KIAA0586: variants seen among roughly 807,000 people sequenced by gnomAD.
The protein encoded by KIAA0586 is KIAA0586.
A neutral mutation model predicts 169.8 loss-of-function variants in KIAA0586; 144 were observed. That is an observed-to-expected ratio of 0.85 (90% CI 0.74 to 0.97). The LOEUF (loss-of-function observed/expected upper bound fraction) is 0.97, where lower values mean the gene tolerates loss of function less well. KIAA0586 is among the 50% of genes least tolerant of loss of function. The probability of loss-of-function intolerance (pLI) is 0.00; values close to 1 mark genes in which losing one functional copy is unlikely to be tolerated. For synonymous variants in KIAA0586, 625 were observed against 612.4 expected (o/e 1.02, Z -0.30); for missense variants, 1,854 against 1,823.0 (o/e 1.02, Z -0.31).
rs373766541 is a variant in KIAA0586, at chr14:58,431,758, A to G, written c.341-630A>G. On this transcript the variant is annotated intron_variant, in intron 3 of 30. Transcript: ENST00000652326. ...CTGTGATTTTTTTCATCAGTGTTTT[A>G]TAGTTCTCCTTGTAGAGATCTTTCA... 2.6e-5 allele frequency among the ~76,000 whole-genome samples: 4 copies of G among 152,196 alleles called. 1 individual carries two copies.
chr14:58,484,481 G>T (rs2042232753), intron 21 of KIAA0586, among the ~76,000 whole-genome samples: 2 of 152,000 alleles, frequency 1.3e-5, no homozygotes, highest in Non-Finnish European at 2.9e-5. Context: ...TAAGTGAGAT[G>T]ATATATGGAC....
In KIAA0586 at chr14:58,539,340, AT is replaced by A. The variant is rs112710715; in HGVS notation, c.4430-724del. 3.3e-3 allele frequency among the ~76,000 whole-genome samples: 501 copies of A among 152,262 alleles called. 6 individuals are homozygous for A. Among genetic ancestry groups the A allele is most frequent in the African/African-American group, 0.012 (480 of 41,542 alleles). On this transcript the variant is annotated intron_variant, in intron 29 of 30. Transcript: ENST00000652326. ...GAAATACTGATTATACAACGTTCTA[AT>A]TTTTTTCATATCACCCTACCCCAAG...
chr14:58,540,161 T>C lies in KIAA0586; in HGVS notation c.4495+25T>C, dbSNP rs186254272. The stretch of plus-strand genomic sequence containing the variant: ...GGTAAGATTTTTACTTTAAAAGTTC[T>C]TGAACTTGGAGCTGTTCAGATTTTT... On this transcript the variant is annotated intron_variant, in intron 30 of 30. Coordinates refer to ENST00000652326, the MANE Select transcript of KIAA0586 (RefSeq NM_001329943.3). 2,423 of 1,373,084 alleles carry C rather than the reference T, an allele frequency of 1.8e-3. 16 individuals are homozygous for C. The highest frequency in any genetic ancestry group is 9.6e-3 in the East Asian group (387 of 40,184). 85.1% of individuals were successfully genotyped at this position (1,373,084 alleles called of 1,614,324 possible). A position where few individuals can be genotyped will look rare whatever the true frequency, so the allele number is the denominator to read the frequency against.
At chr14:58,528,186 G>A (rs1040084861) in intron 29 of KIAA0586, among the ~76,000 whole-genome samples, 1 of 152,202 alleles carries the variant, frequency 6.6e-6, no homozygotes, top group African/African-American at 2.4e-5. Flanking sequence ...CAATACAGGA[G>A]CGTCCAGATT....
chr14:58,449,456 G>A (rs1190230236), intron 7 of KIAA0586, among the ~76,000 whole-genome samples: 1 of 152,204 alleles, frequency 6.6e-6, no homozygotes, highest in East Asian at 1.9e-4. Context: ...CTGAGCCCAG[G>A]AGGTAGAAGC....
At chr14:58,503,035 T>C (rs1468016258) in intron 27 of KIAA0586, among the ~76,000 whole-genome samples, 1 of 152,150 alleles carries the variant, frequency 6.6e-6, no homozygotes, top group Non-Finnish European at 1.5e-5. Flanking sequence ...TCAGGTTGGG[T>C]TGAGTAACTG....
chr14:58,529,555 T>C (rs2045822985), intron 29 of KIAA0586, among the ~76,000 whole-genome samples: 1 of 152,072 alleles, frequency 6.6e-6, no homozygotes, highest in Non-Finnish European at 1.5e-5. Flanking sequence ...GTTCAACATA[T>C]GCAAATCAGT....
At chr14:58,490,532 C>T (rs2042770329) in intron 25 of KIAA0586, among the ~76,000 whole-genome samples, 1 of 152,154 alleles carries the variant, frequency 6.6e-6, no homozygotes, top group Middle Eastern at 3.4e-3. Flanking sequence ...TGTATGTTGT[C>T]TTTACAATAT....
At chr14:58,434,331 T>C (rs1246775067) in intron 4 of KIAA0586, among the ~76,000 whole-genome samples, 1 of 152,088 alleles carries the variant, frequency 6.6e-6, no homozygotes, top group Non-Finnish European at 1.5e-5. Flanking sequence ...AATAACCATA[T>C]AACTAAGAAG....
Position 58,458,483 on chromosome 14 carries a change from G to C in KIAA0586, c.1594G>C (p.Glu532Gln). ...NALSTNREMS[E>Q]KIRIRKTVDE... The stretch of plus-strand genomic sequence containing the variant: ...TTTTCTCTTTTATAGAGAGATGTCA[G>C]AGAAAATTAGGATCAGAAAGACAGT... Residue 532 changes from glutamate (E) to glutamine (Q), a missense_variant, in exon 12 of 31, where the codon GAG becomes CAG. Transcript: ENST00000652326. The C allele has an allele frequency of 1.3e-6, 2 of 1,533,308 alleles. No homozygotes were observed. Among genetic ancestry groups the C allele is most frequent in the African/African-American group, 1.4e-5 (1 of 72,794 alleles). 95.0% of individuals were successfully genotyped at this position (1,533,308 alleles called of 1,614,324 possible).
chr14:58,427,781 G>A lies in KIAA0586; in HGVS notation c.-484G>A. ...GGGCGTTCTGGAGATACGTAGGGGT[G>A]AATTTATGTTTCCGACGATTGCATC... is the stretch of plus-strand genomic sequence containing the variant. On this transcript the variant is annotated 5_prime_UTR_variant, in exon 1 of 31. Transcript: ENST00000652326. 6.6e-6 allele frequency: 10 copies of A among 1,519,340 alleles called. No individual in the cohort carries two copies. Among genetic ancestry groups the A allele is most frequent in the Non-Finnish European group, 8.8e-6 (10 of 1,138,722 alleles). 94.1% of individuals were successfully genotyped at this position (1,519,340 alleles called of 1,614,324 possible).
chr14:58,475,464 T>G (rs2041545155), intron 19 of KIAA0586, among the ~76,000 whole-genome samples: 1 of 148,978 alleles, frequency 6.7e-6, no homozygotes, highest in Non-Finnish European at 1.5e-5. Context: ...AGGTTGGGAC[T>G]GCTATACTAG....
chr14:58,511,504 G>A (rs1473879902), intron 28 of KIAA0586, among the ~76,000 whole-genome samples: 1 of 152,114 alleles, frequency 6.6e-6, no homozygotes, highest in Non-Finnish European at 1.5e-5. Context: ...TAGCTCCTGT[G>A]GTCACAGCTC....
At position 58,456,786 on chromosome 14, in the gene KIAA0586, G is replaced by A; in HGVS notation, c.1338G>A (p.Glu446=). 1 of 1,596,380 alleles carries A rather than the reference G, an allele frequency of 6.3e-7. No individual in the cohort carries two copies. The highest frequency in any genetic ancestry group is 1.3e-5 in the African/African-American group (1 of 74,776). The part of the protein sequence containing the change: ...DDVLHDLGQK[E]KETNSMVQPK... ...TTCTTCATGACCTTGGCCAAAAAGA[G>A]AAAGAAACAAATAGCATGGTCCAGG... is the stretch of plus-strand genomic sequence containing the variant. Residue 446 remains glutamate (E), a synonymous_variant, in exon 10 of 31, where the codon GAG becomes GAA. Transcript: ENST00000652326.
At position 58,547,706 on chromosome 14, in the gene KIAA0586, T is replaced by C. The variant is rs1040385336; in HGVS notation, c.4496-75T>C. On this transcript the variant is annotated intron_variant, in intron 30 of 30. Coordinates refer to ENST00000652326, the MANE Select transcript of KIAA0586 (RefSeq NM_001329943.3). ...CGCGCCCCCCCACCCCAACCTCATA[T>C]TATTTCGCAAAGCATAAAGCACGTA... 22 of 854,374 alleles carry C rather than the reference T, an allele frequency of 2.6e-5. 1 individual carries two copies. The East Asian group carries it at 7.6e-4, about 29-fold the overall frequency. 52.9% of individuals were successfully genotyped at this position (854,374 alleles called of 1,614,324 possible). A position where few individuals can be genotyped will look rare whatever the true frequency, so the allele number is the denominator to read the frequency against.
intron 26 of KIAA0586, among the ~76,000 whole-genome samples, chr14:58,494,414 G>T (rs1566896252): frequency 6.9e-6 from 1 of 143,972 alleles, no homozygotes; most frequent in Admixed American, 6.9e-5. Context: ...TCACTTTGTT[G>T]TCTGTTTTTT....
In KIAA0586 at chr14:58,515,552, T is replaced by A. The variant is rs80219069; in HGVS notation, c.4429+2925T>A. On this transcript the variant is annotated intron_variant, in intron 29 of 30. Coordinates refer to ENST00000652326, the MANE Select transcript of KIAA0586 (RefSeq NM_001329943.3). ...CTTTGTATTTGAAATTTAGCTAAAT[T>A]ACAATAGCTATCAGAACTACAATTG... Among the ~76,000 whole-genome samples, 1,307 of 152,230 alleles carry A rather than the reference T, an allele frequency of 8.6e-3. 8 individuals are homozygous for A. Among genetic ancestry groups the A allele is most frequent in the Non-Finnish European group, 0.013 (879 of 67,994 alleles).
chr14:58,472,303 G>T (rs2041283333), intron 18 of KIAA0586, 24 bp downstream of exon 18: 2 of 1,371,564 alleles, frequency 1.5e-6, no homozygotes, highest in Non-Finnish European at 9.9e-7. Flanking sequence ...GAAACCATGA[G>T]AAATTATTTT....
intron 26 of KIAA0586, among the ~76,000 whole-genome samples, chr14:58,494,902 G>A (rs754332330): frequency 1.3e-5 from 2 of 152,074 alleles, no homozygotes; most frequent in Non-Finnish European, 2.9e-5. Context: ...ATGGTTGAGG[G>A]GCAAGCAGTA....
Sources: gnomAD v4.1 joint callset for allele counts (sites outside exome capture counted in the v4.1 genomes callset) on GRCh38, gnomAD v4.1.1 for gene constraint, MANE v1.5 for transcripts, NCBI Gene and HGNC (gene_info 2026-07-23, HGNC 2026-07-21) for gene names.